WLS: variants seen among roughly 807,000 people sequenced by gnomAD.
WLS encodes protein wntless homolog.
In WLS, 23 loss-of-function variants were observed where a neutral mutation model predicts 62.8. The ratio of observed to expected loss-of-function variants is 0.37; its 90% CI spans 0.26 to 0.52. WLS has a LOEUF of 0.52. Among genes scored for constraint, WLS ranks in the 20% least tolerant of loss-of-function variants. The probability of loss-of-function intolerance (pLI) is 0.92; values close to 1 mark genes in which losing one functional copy is unlikely to be tolerated. For missense variants in WLS, 615 were observed against 697.3 expected (o/e 0.88, Z 1.33); for synonymous variants, 246 against 244.1 (o/e 1.01, Z -0.07).
At chr1:68,213,166 T>C (rs927653401) in intron 1 of WLS, among the ~76,000 whole-genome samples, 2 of 152,056 alleles carry the variant, frequency 1.3e-5, no homozygotes, top group African/African-American at 4.8e-5. Context: ...CAAGAGGAAG[T>C]AAAGCCGGGC....
chr1:68,119,733 T>A (rs111819619), intron 11 of WLS, among the ~76,000 whole-genome samples: 1,925 of 152,328 alleles, frequency 0.013, 26 homozygotes, highest in Non-Finnish European at 0.021. Context: ...TGCACACAAA[T>A]CCTTGTCCCA....
intron 2 of WLS, among the ~76,000 whole-genome samples, chr1:68,171,957 T>C (rs1201227636): frequency 6.6e-6 from 1 of 152,152 alleles, no homozygotes; most frequent in Non-Finnish European, 1.5e-5. Flanking sequence ...ATGTGCCACA[T>C]ATACACCATG....
intron 11 of WLS, among the ~76,000 whole-genome samples, chr1:68,110,843 A>G (rs912477806): frequency 6.6e-6 from 1 of 152,152 alleles, no homozygotes; most frequent in Non-Finnish European, 1.5e-5. Context: ...TTATCCATAT[A>G]GGAAAAAAAT....
chr1:68,211,292 G>A (rs1406498749), intron 1 of WLS, among the ~76,000 whole-genome samples: 14 of 149,830 alleles, frequency 9.3e-5, no homozygotes, highest in African/African-American at 3.4e-4. Context: ...AACCTCTACT[G>A]AGGCACACAG....
intron 2 of WLS, among the ~76,000 whole-genome samples, chr1:68,177,695 T>C (rs1570956267): frequency 6.6e-6 from 1 of 152,272 alleles, no homozygotes; most frequent in Non-Finnish European, 1.5e-5. Context: ...GGTTTCACCA[T>C]GTTGCTCAGG....
At chr1:68,162,611 G>T in intron 2 of WLS, 2 of 1,344,828 alleles carry the variant, frequency 1.5e-6, no homozygotes, top group Non-Finnish European at 2.1e-6. Context: ...CTCTGAACCC[G>T]TGTGCCTTAC....
At chr1:68,128,448 C>T (rs1238375361) in intron 11 of WLS, among the ~76,000 whole-genome samples, 3 of 152,186 alleles carry the variant, frequency 2.0e-5, no homozygotes, top group African/African-American at 7.2e-5. Context: ...CTGTGTGAGT[C>T]ATCAAAATTT....
intron 11 of WLS, among the ~76,000 whole-genome samples, chr1:68,131,508 T>C (rs886388720): frequency 1.3e-5 from 2 of 152,070 alleles, no homozygotes; most frequent in African/African-American, 4.8e-5. Context: ...CAGTTGTCTC[T>C]CGGTGCCTGT....
chr1:68,100,395 C>T (rs150153031), intron 11 of WLS, among the ~76,000 whole-genome samples: 5 of 152,224 alleles, frequency 3.3e-5, no homozygotes, highest in Non-Finnish European at 5.9e-5. Context: ...TTCTATAACA[C>T]CCCAAACTCT....
chr1:68,213,323 C>T (rs1423440662), intron 1 of WLS, among the ~76,000 whole-genome samples: 9 of 151,844 alleles, frequency 5.9e-5, no homozygotes, highest in African/African-American at 1.5e-4. Context: ...TGGTGGTAGG[C>T]GCCTGTAATC....
At chr1:68,110,657 GTCTCTCTCTCTC>G (rs55965951) in intron 11 of WLS, among the ~76,000 whole-genome samples, 197 of 114,058 alleles carry the variant, frequency 1.7e-3, no homozygotes, top group East Asian at 0.012. Context: ...AAAAATCTCT[GTCTCTCTCTCTC>G]TCTCTCTCTC....
At chr1:68,130,992 AAG>A (rs1646511543) in intron 11 of WLS, among the ~76,000 whole-genome samples, 1 of 150,592 alleles carries the variant, frequency 6.6e-6, no homozygotes, top group South Asian at 2.1e-4. Context: ...CCAGGGTTCA[AAG>A]AGATTCTCCT....
At chr1:68,132,336 C>T (rs2100404241) in intron 11 of WLS, among the ~76,000 whole-genome samples, 1 of 152,316 alleles carries the variant, frequency 6.6e-6, no homozygotes, top group African/African-American at 2.4e-5. Context: ...GCCCGTGTGA[C>T]AAGACCAATC....
At chr1:68,160,432 T>C (rs1468421610) in intron 2 of WLS, among the ~76,000 whole-genome samples, 1 of 152,190 alleles carries the variant, frequency 6.6e-6, no homozygotes, top group Non-Finnish European at 1.5e-5. Flanking sequence ...ATGAGGTAAT[T>C]GTCAGCATTC....
intron 11 of WLS, among the ~76,000 whole-genome samples, chr1:68,101,853 G>A (rs779586482): frequency 8.5e-5 from 13 of 152,272 alleles, no homozygotes; most frequent in African/African-American, 2.2e-4. Context: ...TAGTTACAGC[G>A]AGAAATACTG....
At position 68,144,552 on chromosome 1, in the gene WLS, T is replaced by C; in HGVS notation, c.1362+17A>G. ...CTGCAGAGACATTCTCACCTTGACA[T>C]CTCAGGGTCCACTTACCTGACTAAC... On this transcript the variant is annotated intron_variant, in intron 10 of 11. Transcript: ENST00000262348. The C allele has an allele frequency of 6.2e-7, 1 of 1,611,082 alleles. No individual in the cohort carries two copies. Among genetic ancestry groups the C allele is most frequent in the Non-Finnish European group, 8.5e-7 (1 of 1,177,672 alleles).
chr1:68,213,205 C>T (rs890956277), intron 1 of WLS, among the ~76,000 whole-genome samples: 1 of 152,162 alleles, frequency 6.6e-6, no homozygotes, highest in East Asian at 1.9e-4. Context: ...AATCCCAGCA[C>T]TTTGGGAGGC....
chr1:68,230,615 T>TG (rs2100678410), intron 1 of WLS, among the ~76,000 whole-genome samples: 1 of 137,144 alleles, frequency 7.3e-6, no homozygotes, highest in East Asian at 2.7e-4. Flanking sequence ...GTGTGTGTGT[T>TG]GAGGGTGAGG....
chr1:68,104,298 C>A (rs541758194), intron 11 of WLS, among the ~76,000 whole-genome samples: 1 of 152,118 alleles, frequency 6.6e-6, no homozygotes, highest in South Asian at 2.1e-4. Context: ...CTACCATTAT[C>A]GGTGGAGATG....
Sources: gnomAD v4.1 joint callset for allele counts (sites outside exome capture counted in the v4.1 genomes callset) on GRCh38, gnomAD v4.1.1 for gene constraint, MANE v1.5 for transcripts, NCBI Gene and HGNC (gene_info 2026-07-23, HGNC 2026-07-21) for gene names.